Variants in SLC25A13 observed in about 807,000 individuals in gnomAD.
SLC25A13 encodes the protein electrogenic aspartate/glutamate antiporter SLC25A13, mitochondrial.
SLC25A13 carries 70 observed loss-of-function variants against 85.5 expected under a neutral mutation model. That is an observed-to-expected ratio of 0.82 (90% CI 0.68 to 1.00). The LOEUF is 1.00. Ranked by LOEUF, SLC25A13 falls within the 50% of genes least tolerant of loss-of-function variation. The probability of loss-of-function intolerance (pLI) is 0.00; values close to 1 mark genes in which losing one functional copy is unlikely to be tolerated. For synonymous variants in SLC25A13, 259 were observed against 288.7 expected (o/e 0.90, Z 1.04); for missense variants, 765 against 819.8 (o/e 0.93, Z 0.82).
In SLC25A13 at chr7:96,122,001, C is replaced by A; in HGVS notation, c.1592-4G>T. The stretch of plus-strand genomic sequence containing the variant: ...ACTAAAGATGCTGCAGGCATACCTG[C>A]AGGAGAGACACAACACCATCTCAGT... On this transcript the variant is annotated splice_polypyrimidine_tract_variant and splice_region_variant and intron_variant, in intron 15 of 17. Coordinates refer to ENST00000265631, the MANE Select transcript of SLC25A13 (RefSeq NM_014251.3). The A allele has an allele frequency of 6.2e-7, 1 of 1,614,160 alleles. No homozygotes were observed. The highest frequency in any genetic ancestry group is 1.3e-5 in the African/African-American group (1 of 75,042).
chr7:96,269,584 T>G (rs1798157261), intron 3 of SLC25A13, among the ~76,000 whole-genome samples: 1 of 152,196 alleles, frequency 6.6e-6, no homozygotes, highest in Non-Finnish European at 1.5e-5. Flanking sequence ...GCTACATGAG[T>G]GTATTCATTT....
intron 1 of SLC25A13, among the ~76,000 whole-genome samples, chr7:96,305,199 C>G (rs1799699148): frequency 6.6e-6 from 1 of 152,052 alleles, no homozygotes; most frequent in African/African-American, 2.4e-5. Flanking sequence ...ATCACACAGC[C>G]AGAAATGACC....
chr7:96,308,423 A>G (rs545310883), intron 1 of SLC25A13, among the ~76,000 whole-genome samples: 3 of 152,318 alleles, frequency 2.0e-5, no homozygotes, highest in South Asian at 2.1e-4. Flanking sequence ...GAACCAGCAG[A>G]TTCAGGCTGA....
At chr7:96,194,296 G>A (rs1794970945) in intron 5 of SLC25A13, among the ~76,000 whole-genome samples, 2 of 148,674 alleles carry the variant, frequency 1.3e-5, no homozygotes, top group Admixed American at 1.3e-4. Flanking sequence ...AAAGAAATTT[G>A]CCAGGCATGG....
At chr7:96,319,578 A>G (rs1318347901) in intron 1 of SLC25A13, among the ~76,000 whole-genome samples, 3 of 149,542 alleles carry the variant, frequency 2.0e-5, no homozygotes, top group African/African-American at 4.9e-5. Flanking sequence ...CTCAGAGAGC[A>G]GTATAAGGAG....
chr7:96,142,645 T>C (rs1319268974), intron 14 of SLC25A13, among the ~76,000 whole-genome samples: 1 of 152,186 alleles, frequency 6.6e-6, no homozygotes, highest in Non-Finnish European at 1.5e-5. Flanking sequence ...TATATTAATA[T>C]AAAATCTTCA....
rs1028451265 is a variant in SLC25A13, at chr7:96,257,681, T to C, written c.212+19515A>G. Among the ~76,000 whole-genome samples the C allele has an allele frequency of 7.2e-5, 11 of 151,980 alleles. No homozygotes were observed. In the East Asian group the frequency reaches 9.7e-4, roughly 13 times the overall value. ...TTCCTTCTGAAACTATTCCAAACAA[T>C]AGAAAAAGAGGGACTCCTCCCTAAC... is the stretch of plus-strand genomic sequence containing the variant. On this transcript the variant is annotated intron_variant, in intron 3 of 17. Coordinates refer to ENST00000265631, the MANE Select transcript of SLC25A13 (RefSeq NM_014251.3).
At chr7:96,260,899 C>T (rs1797828477) in intron 3 of SLC25A13, among the ~76,000 whole-genome samples, 2 of 152,108 alleles carry the variant, frequency 1.3e-5, no homozygotes, top group South Asian at 2.1e-4. Flanking sequence ...TCATGCTATT[C>T]CCATGCTCAA....
chr7:96,135,858 G>GTTT (rs57884645), intron 14 of SLC25A13, among the ~76,000 whole-genome samples: 3,062 of 132,894 alleles, frequency 0.023, 116 homozygotes, highest in African/African-American at 0.081. Flanking sequence ...TCCTGCTTTG[G>GTTT]TTTTTTTTTT....
chr7:96,245,390 G>A (rs563048865), intron 3 of SLC25A13, among the ~76,000 whole-genome samples: 7 of 152,068 alleles, frequency 4.6e-5, no homozygotes, highest in Non-Finnish European at 8.8e-5. Flanking sequence ...CTCCGATCAC[G>A]GCCAATCCCT....
intron 3 of SLC25A13, among the ~76,000 whole-genome samples, chr7:96,237,722 G>T (rs1796797184): frequency 6.6e-6 from 1 of 152,178 alleles, no homozygotes; most frequent in African/African-American, 2.4e-5. Flanking sequence ...AGCAGAGGCA[G>T]AAATTATAAA....
rs563549256 is a variant in SLC25A13, at chr7:96,156,712, A to G, written c.1312-10016T>C. Among the ~76,000 whole-genome samples the G allele has an allele frequency of 2.4e-4, 36 of 151,988 alleles. No homozygotes were observed. In the South Asian group the frequency reaches 3.5e-3, roughly 15 times the overall value. On this transcript the variant is annotated intron_variant, in intron 13 of 17. Coordinates refer to ENST00000265631, the MANE Select transcript of SLC25A13 (RefSeq NM_014251.3). ...ATGACCTGCCCGCCTCAGCCTCCCA[A>G]ATTTTTGTATTTTTAGTAGAGACAG...
chr7:96,185,492 A>G (rs373639550), intron 9 of SLC25A13, among the ~76,000 whole-genome samples: 4 of 152,124 alleles, frequency 2.6e-5, no homozygotes, highest in African/African-American at 9.7e-5. Context: ...TCAGCTACTC[A>G]GGCTGAGGAG....
intron 3 of SLC25A13, among the ~76,000 whole-genome samples, chr7:96,268,702 G>C (rs961887892): frequency 6.6e-6 from 1 of 152,266 alleles, no homozygotes; most frequent in African/African-American, 2.4e-5. Flanking sequence ...ATTAGCCTTT[G>C]ATGGCTCTCC....
intron 2 of SLC25A13, among the ~76,000 whole-genome samples, chr7:96,294,474 T>C (rs1799264446): frequency 6.6e-6 from 1 of 151,922 alleles, no homozygotes; most frequent in South Asian, 2.1e-4. Context: ...CTAGGCGTGG[T>C]GGTACATGCC....
intron 3 of SLC25A13, among the ~76,000 whole-genome samples, chr7:96,269,931 A>G (rs934551560): frequency 6.6e-6 from 1 of 152,322 alleles, no homozygotes; most frequent in East Asian, 1.9e-4. Context: ...AACAGAGAGC[A>G]GACTGGTGGT....
intron 11 of SLC25A13, 132 bp from the exon 12 acceptor site, chr7:96,171,656 T>C: frequency 1.3e-6 from 1 of 741,032 alleles, no homozygotes. Flanking sequence ...TTACCCTTAA[T>C]GAGAATATTT....
intron 1 of SLC25A13, among the ~76,000 whole-genome samples, chr7:96,318,504 A>G (rs1800212339): frequency 1.3e-5 from 2 of 152,222 alleles, no homozygotes; most frequent in South Asian, 4.1e-4. Flanking sequence ...AAGAGAATGG[A>G]CACTTTTTGA....
intron 1 of SLC25A13, among the ~76,000 whole-genome samples, chr7:96,305,627 G>C (rs1400434359): frequency 6.6e-6 from 1 of 152,102 alleles, no homozygotes; most frequent in Admixed American, 6.6e-5. Flanking sequence ...GTTCCTGATG[G>C]GGAACAAAGG....
Sources: allele counts gnomAD v4.1 joint callset (sites outside exome capture counted in the v4.1 genomes callset), GRCh38; gene constraint gnomAD v4.1.1; transcripts MANE v1.5; gene names NCBI Gene and HGNC (gene_info 2026-07-23, HGNC 2026-07-21).